PTPN23: variants seen among roughly 807,000 people sequenced by gnomAD.
PTPN23 encodes the protein tyrosine-protein phosphatase non-receptor type 23.
A neutral mutation model predicts 156.3 loss-of-function variants in PTPN23; 72 were observed. That is an observed-to-expected ratio of 0.46 (90% confidence interval 0.38 to 0.56). PTPN23 has a LOEUF of 0.56. Among genes scored for constraint, PTPN23 ranks in the 20% least tolerant of loss-of-function variants. The pLI, the probability that PTPN23 is intolerant of heterozygous loss-of-function variation, is 0.00. For missense variants in PTPN23, 1,974 were observed against 2,171.5 expected (o/e 0.91, Z 1.81); for synonymous variants, 957 against 899.6 (o/e 1.06, Z -1.14).
chr3:47,405,479 G>A lies in PTPN23; in HGVS notation c.365-270G>A. 3.6e-6 allele frequency: 2 copies of A among 554,880 alleles called. No homozygotes were observed. The highest frequency in any genetic ancestry group is 4.2e-5 in the South Asian group (2 of 47,076). The allele number at this position is 554,880 out of a possible 1,614,324, so 34.4% of individuals were successfully genotyped here. A position where few individuals can be genotyped will look rare whatever the true frequency, so the allele number is the denominator to read the frequency against. On this transcript the variant is annotated intron_variant, in intron 4 of 24. Transcript: ENST00000265562. The surrounding 1 kb of genome is among the most constrained non-coding windows in gnomAD (Gnocchi z 4.7). ...CAAGGGAGAAGCTTGGGGAGCCCCA[G>A]AGTTCTGTGCAAACATCCCTGAAGC...
intron 2 of PTPN23, among the ~76,000 whole-genome samples, chr3:47,402,401 T>A (rs563766464): frequency 3.3e-5 from 5 of 152,184 alleles, no homozygotes; most frequent in South Asian, 4.2e-4. Flanking sequence ...TGCCTCAGCC[T>A]CCTGAGTAGC....
rs370293084 is a variant in PTPN23 at position 47,406,759 on chromosome 3, C to A, written c.807+9C>A. The A allele has an allele frequency of 8.7e-6, 14 of 1,613,314 alleles. No homozygotes were observed. The highest frequency in any genetic ancestry group is 1.2e-5 in the Non-Finnish European group (14 of 1,179,878). ...AGAAGTTCGGGGAGCGGGTGAGCTA[C>A]AGCGAGGAGGGGACTGGGGACCAAT... On this transcript the variant is annotated intron_variant, in intron 9 of 24. Transcript: ENST00000265562. This position sits in a 1 kb window ranked among gnomAD's most constrained non-coding sequence, Gnocchi z 5.8.
At chr3:47,394,381 T>C (rs1465570257) in intron 1 of PTPN23, among the ~76,000 whole-genome samples, 1 of 152,012 alleles carries the variant, frequency 6.6e-6, no homozygotes, top group Admixed American at 6.6e-5. Flanking sequence ...TTCGGCTGAG[T>C]CTTAGTAGAG....
chr3:47,411,106 C>T lies in PTPN23; in HGVS notation c.3308C>T (p.Ala1103Val). The change falls in exon 20 of 25, where the codon GCA (alanine) becomes GTA (valine). Residue 1103 changes from alanine (A) to valine (V), a missense_variant. Transcript: ENST00000265562. The surrounding 1 kb of genome is among the most constrained non-coding windows in gnomAD (Gnocchi z 6.3). ...GGTCCGGTACCCCCTCGCCCCCCAG[C>T]AGCAGAACCACCCCCTTGCCTGCGC... is the stretch of plus-strand genomic sequence containing the variant. ...GPGPVPPRPP[A>V]AEPPPCLRRG... is the part of the protein sequence containing the mutation. 1 of 1,604,652 alleles carries T rather than the reference C, an allele frequency of 6.2e-7. No homozygotes were observed. Among genetic ancestry groups the T allele is most frequent in the Non-Finnish European group, 8.5e-7 (1 of 1,176,574 alleles).
chr3:47,410,860 G>A lies in PTPN23; in HGVS notation c.3062G>A (p.Gly1021Asp), dbSNP rs1422446786. 1 of 1,606,900 alleles carries A rather than the reference G, an allele frequency of 6.2e-7. No homozygotes were observed. Among genetic ancestry groups the A allele is most frequent in the Non-Finnish European group, 8.5e-7 (1 of 1,177,236 alleles). Residue 1021 changes from glycine (G) to aspartate (D), a missense_variant, in exon 20 of 25, where the codon GGT becomes GAT. This residue lies in a region of PTPN23 where 731 missense variants were observed against 669.1 expected (regional missense o/e 1.09). Transcript: ENST00000265562. ...CCCCTACACACCCAGCTCTACCCAG[G>A]TCCCGCTCAAGACCCTCTGCCAGCC... ...PPPLHTQLYP[G>D]PAQDPLPAHS...
rs1281313608 is a variant in PTPN23 at position 47,410,685 on chromosome 3, C to T, written c.2887C>T (p.Pro963Ser). 3 of 1,608,436 alleles carry T rather than the reference C, an allele frequency of 1.9e-6. No homozygotes were observed. Residue 963 changes from proline (P) to serine (S), a missense_variant, in exon 20 of 25, where the codon CCT (proline) becomes TCT (serine). This residue lies in a region of PTPN23 where 731 missense variants were observed against 669.1 expected (regional missense o/e 1.09). Transcript: ENST00000265562. ...GCCCCAGCCCCATCCTCAGCCCCAT[C>T]CTTCACAAGCGTTTGGGCCTCAGCC... The part of the protein sequence containing the change: ...PQPQPHPQPH[P>S]SQAFGPQPPQ...
chr3:47,381,377 C>G (rs1704534045), intron 1 of PTPN23, among the ~76,000 whole-genome samples, 197 bp downstream of exon 1: 1 of 152,222 alleles, frequency 6.6e-6, no homozygotes, highest in Non-Finnish European at 1.5e-5. Context: ...TCCCCGATAG[C>G]CCCGTGCTAG....
chr3:47,388,509 A>G (rs1027101016), intron 1 of PTPN23, among the ~76,000 whole-genome samples: 1 of 152,178 alleles, frequency 6.6e-6, no homozygotes, highest in Non-Finnish European at 1.5e-5. Flanking sequence ...ATATGGCCAA[A>G]CAGGTATAGT....
intron 2 of PTPN23, 89 bp downstream of exon 2, chr3:47,396,306 G>C: frequency 9.3e-7 from 1 of 1,076,820 alleles, no homozygotes; most frequent in East Asian, 2.6e-5. Flanking sequence ...GGGCATGGTG[G>C]CTCAACGCCT....
Position 47,407,107 on chromosome 3 carries a change from G to A in PTPN23, c.808-23G>A, listed in dbSNP as rs777924809. 2 of 1,613,870 alleles carry A rather than the reference G, an allele frequency of 1.2e-6. No homozygotes were observed. The highest frequency in any genetic ancestry group is 1.7e-5 in the Admixed American group (1 of 59,992). The stretch of plus-strand genomic sequence containing the variant: ...GGTCCAAGCAGAGGAGGACAGAGCA[G>A]GCTTTCCTGCCACCCTCCACAGGTT... On this transcript the variant is annotated intron_variant, in intron 9 of 24. Coordinates refer to ENST00000265562, the MANE Select transcript of PTPN23 (RefSeq NM_015466.4). The surrounding 1 kb of genome is among the most constrained non-coding windows in gnomAD (Gnocchi z 4.0).
In PTPN23 at chr3:47,410,723, C is replaced by T. The variant is rs1159072509; in HGVS notation, c.2925C>T (p.Pro975=). 2 of 1,583,342 alleles carry T rather than the reference C, an allele frequency of 1.3e-6. No homozygotes were observed. Among genetic ancestry groups the T allele is most frequent in the East Asian group, 4.6e-5 (2 of 43,310 alleles). The change falls in exon 20 of 25, where the codon CCC becomes CCT. Residue 975 remains proline, a synonymous_variant. Transcript: ENST00000265562. The part of the protein sequence containing the change: ...QAFGPQPPQQ[P]LPLQHPHLFP... ...TTGGGCCTCAGCCCCCACAGCAGCC[C>T]CTTCCACTCCAGCATCCACATCTCT...
chr3:47,398,990 C>T (rs1444982395), intron 2 of PTPN23, among the ~76,000 whole-genome samples: 1 of 152,130 alleles, frequency 6.6e-6, no homozygotes, highest in Admixed American at 6.5e-5. Context: ...TGTCTGCCTC[C>T]CAAAGGAGGA....
chr3:47,392,313 G>A (rs1384009742), intron 1 of PTPN23, among the ~76,000 whole-genome samples: 1 of 151,936 alleles, frequency 6.6e-6, no homozygotes, highest in African/African-American at 2.4e-5. Flanking sequence ...CTCCCAACTA[G>A]CTGAGACCAC....
intron 1 of PTPN23, among the ~76,000 whole-genome samples, chr3:47,384,831 T>C (rs1704621632): frequency 6.6e-6 from 1 of 152,086 alleles, no homozygotes; most frequent in African/African-American, 2.4e-5. Flanking sequence ...GGCACCATCT[T>C]GGCTCACCAC....
Position 47,407,083 on chromosome 3 carries a change from G to A in PTPN23, c.808-47G>A. 6.2e-7 allele frequency: 1 copy of A among 1,612,416 alleles called. No individual in the cohort carries two copies. The highest frequency in any genetic ancestry group is 8.5e-7 in the Non-Finnish European group (1 of 1,178,840). On this transcript the variant is annotated intron_variant, in intron 9 of 24. Coordinates refer to ENST00000265562, the MANE Select transcript of PTPN23 (RefSeq NM_015466.4). This position sits in a 1 kb window ranked among gnomAD's most constrained non-coding sequence, Gnocchi z 4.0. The stretch of plus-strand genomic sequence containing the variant: ...CGGGTGGGAGGCAGGAGGAGAAAGG[G>A]TCCAAGCAGAGGAGGACAGAGCAGG...
intron 1 of PTPN23, among the ~76,000 whole-genome samples, chr3:47,385,548 G>A (rs996336586): frequency 3.9e-5 from 6 of 152,022 alleles, no homozygotes; most frequent in East Asian, 1.9e-4. Context: ...ATGGTGGTGC[G>A]TGCCTTGTAG....
At chr3:47,400,698 C>T (rs900236844) in intron 2 of PTPN23, among the ~76,000 whole-genome samples, 1 of 152,038 alleles carries the variant, frequency 6.6e-6, no homozygotes, top group Non-Finnish European at 1.5e-5. Context: ...CTCAGCCTCC[C>T]GAGTAGCTGG....
At chr3:47,408,535 C>A in intron 15 of PTPN23, 45 bp downstream of exon 15, 1 of 1,580,376 alleles carries the variant, frequency 6.3e-7, no homozygotes, top group South Asian at 1.2e-5. Flanking sequence ...GTGTGGAGGT[C>A]ATCTGCTGTG....
chr3:47,389,623 G>A (rs1312370291), intron 1 of PTPN23, among the ~76,000 whole-genome samples: 3 of 152,050 alleles, frequency 2.0e-5, no homozygotes, highest in Non-Finnish European at 2.9e-5. Flanking sequence ...GGTGGATCAC[G>A]AGATCAGGAG....
Sources: gnomAD v4.1 joint callset for allele counts (sites outside exome capture counted in the v4.1 genomes callset) on GRCh38, gnomAD v4.1.1 for gene constraint, gnomAD v4.1.1 regional missense constraint, Gnocchi (gnomAD v3.1) non-coding constraint, MANE v1.5 for transcripts, NCBI Gene and HGNC (gene_info 2026-07-23, HGNC 2026-07-21) for gene names.